Variants in TXNL1 observed in about 807,000 individuals in gnomAD.
TXNL1 encodes thioredoxin-like protein 1.
In TXNL1, 14 loss-of-function variants were observed where a neutral mutation model predicts 35.5. The ratio of observed to expected loss-of-function variants is 0.39; its 90% confidence interval spans 0.26 to 0.62. The LOEUF (loss-of-function observed/expected upper bound fraction) is 0.62. Ranked by LOEUF, TXNL1 falls within the 20% of genes least tolerant of loss-of-function variation. The pLI is 0.47. For synonymous variants in TXNL1, 110 were observed against 115.5 expected (o/e 0.95, Z 0.31); for missense variants, 263 against 349.7 (o/e 0.75, Z 1.98).
chr18:56,617,966 T>C, intron 4 of TXNL1, 38 bp downstream of exon 4: 2 of 1,609,590 alleles, frequency 1.2e-6, no homozygotes, highest in Non-Finnish European at 1.7e-6. Context: ...GCATAAATAG[T>C]GATAATCTCC....
Position 56,626,432 on chromosome 18 carries a change from G to A in TXNL1, c.124C>T (p.Pro42Ser). Residue 42 changes from proline (P) to serine (S), a missense_variant, in exon 2 of 8, where the codon CCA (proline) becomes TCA (serine). Transcript: ENST00000217515. ...RGCGPCLRIA[P>S]AFSSMSNKYP... is the part of the protein sequence containing the mutation. ...TTATTACTCATAGAACTGAATGCTG[G>A]GGCAATCCTCAAACATGGCCCACAC... The A allele has an allele frequency of 6.2e-7, 1 of 1,611,734 alleles. No homozygotes were observed. Among genetic ancestry groups the A allele is most frequent in the Non-Finnish European group, 8.5e-7 (1 of 1,178,680 alleles).
At chr18:56,631,737 T>C (rs1156824421) in intron 1 of TXNL1, among the ~76,000 whole-genome samples, 4 of 152,066 alleles carry the variant, frequency 2.6e-5, no homozygotes, top group African/African-American at 9.7e-5. Context: ...CTAACCAACA[T>C]GGTGAAACCC....
intron 1 of TXNL1, among the ~76,000 whole-genome samples, chr18:56,627,125 T>C (rs2024298544): frequency 6.6e-6 from 1 of 152,088 alleles, no homozygotes; most frequent in African/African-American, 2.4e-5. Context: ...GATTCTCTGG[T>C]CTATTTGAGT....
chr18:56,620,844 T>A (rs2024167784), intron 3 of TXNL1, among the ~76,000 whole-genome samples: 1 of 152,192 alleles, frequency 6.6e-6, no homozygotes, highest in Non-Finnish European at 1.5e-5. Context: ...TAGTTACAGA[T>A]AAAACAGCCT....
chr18:56,610,829 ATAGT>A (rs1236434198), intron 7 of TXNL1, 160 bp downstream of exon 7: 3 of 465,156 alleles, frequency 6.4e-6, no homozygotes, highest in Non-Finnish European at 1.1e-5. Flanking sequence ...ATCTAAAAAT[ATAGT>A]TAGGGGAACT....
chr18:56,610,805 T>G (rs1457251470), intron 7 of TXNL1, 188 bp downstream of exon 7: 1 of 412,482 alleles, frequency 2.4e-6, no homozygotes, highest in African/African-American at 2.1e-5. Context: ...TTATTAAAGA[T>G]TACTTTGTTG....
intron 7 of TXNL1, among the ~76,000 whole-genome samples, chr18:56,606,017 TAC>T (rs2023886604): frequency 1.3e-5 from 2 of 152,220 alleles, no homozygotes; most frequent in Admixed American, 1.3e-4. Context: ...CGCCCTTCAC[TAC>T]ACAGAGGTCA....
chr18:56,632,167 C>T (rs1042483150), intron 1 of TXNL1, among the ~76,000 whole-genome samples: 2 of 152,126 alleles, frequency 1.3e-5, no homozygotes, highest in African/African-American at 4.8e-5. Context: ...AAAACAAATT[C>T]CATTTCATGA....
At chr18:56,616,984 C>T (rs1188416572) in intron 4 of TXNL1, among the ~76,000 whole-genome samples, 1 of 152,126 alleles carries the variant, frequency 6.6e-6, no homozygotes, top group Admixed American at 6.5e-5. Context: ...ATGCATCTAC[C>T]CTGGGAAGAT....
In TXNL1 at chr18:56,601,406, T is replaced by TC. The variant is rs2023808881; in HGVS notation, c.*1620dup. On this transcript the variant is annotated 3_prime_UTR_variant, in exon 8 of 8. Transcript: ENST00000217515. The stretch of plus-strand genomic sequence containing the variant: ...ACTATCAAGTATAAATAGGAAAAGG[T>TC]CAGCAATACTTAGGATGAGGCACTT... The TC allele has an allele frequency of 6.6e-6, 1 of 152,170 alleles. No homozygotes were observed. The highest frequency in any genetic ancestry group is 2.1e-4 in the South Asian group (1 of 4,826). 9.4% of individuals were successfully genotyped at this position (152,170 alleles called of 1,614,324 possible).
intron 1 of TXNL1, among the ~76,000 whole-genome samples, chr18:56,637,789 T>A (rs1301237969): frequency 6.6e-6 from 1 of 152,058 alleles, no homozygotes; most frequent in Admixed American, 6.6e-5. Context: ...TTCAAATAAT[T>A]TAAAAAGCAC....
chr18:56,632,258 GATA>G (rs1235657780), intron 1 of TXNL1, among the ~76,000 whole-genome samples: 1 of 152,084 alleles, frequency 6.6e-6, no homozygotes, highest in Non-Finnish European at 1.5e-5. Flanking sequence ...CTGGTAAGTG[GATA>G]ATATGCTTTC....
intron 5 of TXNL1, 115 bp from the exon 6 acceptor site, chr18:56,614,711 A>T: frequency 5.1e-6 from 4 of 788,022 alleles, no homozygotes; most frequent in Non-Finnish European, 7.6e-6. Flanking sequence ...CATATACTTC[A>T]AATAACTCCA....
At chr18:56,625,363 A>G (rs2024259041) in intron 2 of TXNL1, among the ~76,000 whole-genome samples, 1 of 152,158 alleles carries the variant, frequency 6.6e-6, no homozygotes, top group Non-Finnish European at 1.5e-5. Flanking sequence ...CAGGAAATCT[A>G]ATATATCCAT....
Position 56,618,034 on chromosome 18 carries a change from T to C in TXNL1, c.462A>G (p.Thr154=), listed in dbSNP as rs762880061. 26 of 1,613,940 alleles carry C rather than the reference T, an allele frequency of 1.6e-5. No individual in the cohort carries two copies. The African/African-American group carries it at 2.9e-4, about 18-fold the overall frequency. ...CATCACAGTCAGATTCCAAGAAGGT[T>C]GTGTCTTTTCGTAAACAGTTGTCAA... ...HGFDNCLRKD[T]TFLESDCDEQ... The change falls in exon 4 of 8, where the codon ACA becomes ACG. Residue 154 remains threonine (T), a synonymous_variant. Transcript: ENST00000217515.
intron 6 of TXNL1, among the ~76,000 whole-genome samples, chr18:56,612,565 G>A (rs1014076979): frequency 6.6e-6 from 1 of 151,932 alleles, no homozygotes; most frequent in Non-Finnish European, 1.5e-5. Context: ...TTTGAGACAA[G>A]GTCTCATTAT....
At chr18:56,612,764 T>C (rs1422913993) in intron 6 of TXNL1, among the ~76,000 whole-genome samples, 4 of 152,226 alleles carry the variant, frequency 2.6e-5, no homozygotes, top group African/African-American at 7.2e-5. Flanking sequence ...GGCAGCCATA[T>C]GTTATTTCAA....
At chr18:56,603,184 G>A in intron 7 of TXNL1, 128 bp from the exon 8 acceptor site, 2 of 795,252 alleles carry the variant, frequency 2.5e-6, no homozygotes, top group Non-Finnish European at 3.8e-6. Context: ...GGCATGCAAT[G>A]TATTTTCACT....
chr18:56,621,938 G>C lies in TXNL1; in HGVS notation c.369+2350C>G, dbSNP rs1038313357. Among the ~76,000 whole-genome samples the C allele has an allele frequency of 2.0e-5, 3 of 150,028 alleles. No homozygotes were observed. In the East Asian group the frequency reaches 5.9e-4, roughly 29 times the overall value. ...CTTCAAACGAGCGGCAGGGGCAGGG[G>C]CCAGGGGGACGGTGGAGGTTGCAGA... On this transcript the variant is annotated intron_variant, in intron 3 of 7. Coordinates refer to ENST00000217515, the MANE Select transcript of TXNL1 (RefSeq NM_004786.3).
Sources: gnomAD v4.1 joint callset for allele counts (sites outside exome capture counted in the v4.1 genomes callset) on GRCh38, gnomAD v4.1.1 for gene constraint, MANE v1.5 for transcripts, NCBI Gene and HGNC (gene_info 2026-07-23, HGNC 2026-07-21) for gene names.